The following HSPB1 variants were observed in gnomAD, a reference collection of about 807,000 sequenced individuals.
HSPB1 encodes heat shock protein beta-1.
Under a neutral mutation model 17.0 loss-of-function variants are expected in HSPB1, and 19 were observed. The observed-to-expected ratio is 1.12, with a 90% confidence interval of 0.78 to 1.64. The LOEUF (loss-of-function observed/expected upper bound fraction) is 1.64. Ranked by LOEUF, HSPB1 falls within the 40% of genes most tolerant of loss-of-function variation. HSPB1 has a pLI of 0.00. For missense variants in HSPB1, 348 were observed against 289.2 expected, an observed-to-expected ratio of 1.20 and a Z score of -1.47; for synonymous variants, 165 against 129.8, an observed-to-expected ratio of 1.27 and a Z score of -1.84.
chr7:76,303,005 C>A lies in HSPB1; in HGVS notation c.293C>A (p.Ser98Tyr). Residue 98 changes from serine to tyrosine, a missense_variant, in exon 1 of 3, where the codon TCC becomes TAC. Transcript: ENST00000248553. The stretch of plus-strand genomic sequence containing the variant: ...CACACTGCGGACCGCTGGCGCGTGT[C>A]CCTGGATGTCAACCACTTCGCCCCG... ...IRHTADRWRV[S>Y]LDVNHFAPDE... The A allele has an allele frequency of 1.9e-6, 3 of 1,543,510 alleles. No homozygotes were observed. Among genetic ancestry groups the A allele is most frequent in the East Asian group, 2.4e-5 (1 of 41,822 alleles).
intron 1 of HSPB1, 121 bp from the exon 2 acceptor site, chr7:76,303,681 C>A: frequency 1.3e-6 from 1 of 745,758 alleles, no homozygotes; most frequent in South Asian, 1.6e-5. Flanking sequence ...CCAACCCCCT[C>A]TGTTAATCCC....
chr7:76,302,773 G>A lies in HSPB1; in HGVS notation c.61G>A (p.Asp21Asn). The A allele has an allele frequency of 1.2e-6, 2 of 1,607,852 alleles. No homozygotes were observed. Among genetic ancestry groups the A allele is most frequent in the Non-Finnish European group, 1.7e-6 (2 of 1,179,538 alleles). Reference protein sequence around the residue: ...LRGPSWDPFRDWYPHSRLFDQ... With the variant: ...LRGPSWDPFRNWYPHSRLFDQ... ...GGGCCCCAGCTGGGACCCCTTCCGC[G>A]ACTGGTACCCGCATAGCCGCCTCTT... Residue 21 changes from aspartate (D) to asparagine (N), a missense_variant, in exon 1 of 3, where the codon GAC becomes AAC. Physicochemically the swap from Asp to Asn is conservative, Grantham distance 23. Coordinates refer to ENST00000248553, the MANE Select transcript of HSPB1 (RefSeq NM_001540.5).
At chr7:76,303,437 T>C (rs550515595) in intron 1 of HSPB1, 3 of 426,530 alleles carry the variant, frequency 7.0e-6, no homozygotes, top group Non-Finnish European at 8.1e-6. Flanking sequence ...AGAGAGAAAA[T>C]GCGCTTTTCT....
In HSPB1 at chr7:76,303,987, G is replaced by GC. The variant is rs747325717; in HGVS notation, c.438dup (p.Gly147ArgfsTer14). 3.7e-5 allele frequency: 59 copies of GC among 1,613,508 alleles called. No individual in the cohort carries two copies. The highest frequency in any genetic ancestry group is 8.3e-5 in the Admixed American group (5 of 59,974). ...CCTTTCCTCTCTGCACGTCCAGGCT[G>GC]CCCCCCGGTGTGGACCCCACCCAAG... On this transcript the variant is annotated frameshift_variant, in exon 3 of 3. Coordinates refer to ENST00000248553, the MANE Select transcript of HSPB1 (RefSeq NM_001540.5). LOFTEE classifies it high-confidence loss of function.
intron 1 of HSPB1, chr7:76,303,492 G>C (rs867134746): frequency 7.1e-6 from 4 of 561,954 alleles, no homozygotes; most frequent in Non-Finnish European, 1.3e-5. Flanking sequence ...AGATAAGCGG[G>C]GAGTTCCCTG....
chr7:76,303,759 C>T, intron 1 of HSPB1, 43 bp from the exon 2 acceptor site: 2 of 1,579,092 alleles, frequency 1.3e-6, no homozygotes, highest in African/African-American at 1.3e-5. Context: ...GGCCGAAAGG[C>T]AGTCCCCTCC....
intron 2 of HSPB1, 52 bp downstream of exon 2, chr7:76,303,917 G>T: frequency 1.2e-6 from 2 of 1,610,172 alleles, no homozygotes; most frequent in Non-Finnish European, 8.5e-7. Context: ...GGTGGGGTCA[G>T]GGAAGAGGGC....
At chr7:76,303,731 G>C (rs145206720) in intron 1 of HSPB1, 71 bp from the exon 2 acceptor site, 321 of 1,370,080 alleles carry the variant, frequency 2.3e-4, no homozygotes, top group Non-Finnish European at 3.1e-4. Context: ...GCAGGAGGTG[G>C]GGCCTCTGGC....
chr7:76,303,371 C>T (rs903697227), intron 1 of HSPB1: 3 of 503,248 alleles, frequency 6.0e-6, no homozygotes, highest in Non-Finnish European at 1.0e-5. Flanking sequence ...CCCGCCCCGA[C>T]CCCGCGCCAT....
intron 1 of HSPB1, 132 bp from the exon 2 acceptor site, chr7:76,303,670 C>T (rs1803053000): frequency 1.4e-6 from 1 of 694,506 alleles, no homozygotes. Flanking sequence ...CGCCCCCATC[C>T]CCAACCCCCT....
intron 2 of HSPB1, 42 bp from the exon 3 acceptor site, chr7:76,303,942 G>A (rs199928936): frequency 2.9e-5 from 47 of 1,611,586 alleles, no homozygotes; most frequent in African/African-American, 1.2e-4. Flanking sequence ...GGACCCACCC[G>A]GTGTGTAATG....
intron 1 of HSPB1, chr7:76,303,426 A>G (rs1010053361): frequency 2.1e-6 from 1 of 470,954 alleles, no homozygotes; most frequent in Non-Finnish European, 3.8e-6. Flanking sequence ...ATCATCGATG[A>G]AGAGAGAAAA....
chr7:76,303,492 G>A (rs867134746), intron 1 of HSPB1: 1 of 561,954 alleles, frequency 1.8e-6, no homozygotes, highest in Non-Finnish European at 3.2e-6. Context: ...AGATAAGCGG[G>A]GAGTTCCCTG....
chr7:76,304,033 G>A lies in HSPB1; in HGVS notation c.478G>A (p.Glu160Lys), dbSNP rs1449874513. The A allele has an allele frequency of 1.2e-6, 2 of 1,613,880 alleles. No individual in the cohort carries two copies. The highest frequency in any genetic ancestry group is 1.7e-6 in the Non-Finnish European group (2 of 1,179,988). The change falls in exon 3 of 3, where the codon GAG (glutamate) becomes AAG (lysine). Residue 160 changes from glutamate to lysine, a missense_variant. Glu to Lys is a moderately conservative substitution (Grantham distance 56). Coordinates refer to ENST00000248553, the MANE Select transcript of HSPB1 (RefSeq NM_001540.5). ...CCAAGTTTCCTCCTCCCTGTCCCCT[G>A]AGGGCACACTGACCGTGGAGGCCCC... Reference protein sequence around the residue: ...PTQVSSSLSPEGTLTVEAPMP... With the variant: ...PTQVSSSLSPKGTLTVEAPMP...
intron 1 of HSPB1, chr7:76,303,577 A>G: frequency 1.7e-6 from 1 of 602,650 alleles, no homozygotes; most frequent in Non-Finnish European, 3.0e-6. Context: ...CTCACTCCCC[A>G]GCTCCGCGCC....
chr7:76,304,063 C>G lies in HSPB1; in HGVS notation c.508C>G (p.Pro170Ala), dbSNP rs544435502. ...EGTLTVEAPMPKLATQSNEIT... is the reference protein window; with the variant it reads ...EGTLTVEAPMAKLATQSNEIT... ...CACACTGACCGTGGAGGCCCCCATG[C>G]CCAAGCTAGCCACGCAGTCCAACGA... is the stretch of plus-strand genomic sequence containing the variant. Residue 170 changes from proline (P) to alanine (A), a missense_variant, in exon 3 of 3, where the codon CCC becomes GCC. By Grantham distance (27) the Pro-to-Ala change is conservative (BLOSUM62 -1). Transcript: ENST00000248553. 1 of 1,613,808 alleles carries G rather than the reference C, an allele frequency of 6.2e-7. No individual in the cohort carries two copies. Among genetic ancestry groups the G allele is most frequent in the African/African-American group, 1.3e-5 (1 of 75,052 alleles).
Position 76,304,022 on chromosome 7 carries a change from C to T in HSPB1, c.467C>T (p.Ser156Phe), listed in dbSNP as rs374995963. The change falls in exon 3 of 3, where the codon TCC (serine) becomes TTC (phenylalanine). Residue 156 changes from serine to phenylalanine, a missense_variant. Ser to Phe is a radical substitution (Grantham distance 155). Transcript: ENST00000248553. The stretch of plus-strand genomic sequence containing the variant: ...GTGGACCCCACCCAAGTTTCCTCCT[C>T]CCTGTCCCCTGAGGGCACACTGACC... ...PGVDPTQVSS[S>F]LSPEGTLTVE... is the part of the protein sequence containing the mutation. 2 of 1,613,924 alleles carry T rather than the reference C, an allele frequency of 1.2e-6. No individual in the cohort carries two copies.
intron 1 of HSPB1, 161 bp downstream of exon 1, chr7:76,303,237 G>A (rs762326792): frequency 7.9e-6 from 7 of 884,580 alleles, no homozygotes; most frequent in Non-Finnish European, 1.0e-5. Flanking sequence ...GGAATTGGGA[G>A]TGCGGGTCGC....
intron 2 of HSPB1, 31 bp downstream of exon 2, chr7:76,303,896 G>C: frequency 6.3e-7 from 1 of 1,593,478 alleles, no homozygotes; most frequent in Non-Finnish European, 8.6e-7. Flanking sequence ...GGGGTGGGTG[G>C]GTGGCGTGGG....
Sources: allele counts gnomAD v4.1 joint callset, GRCh38; gene constraint gnomAD v4.1.1; transcripts MANE v1.5; gene names NCBI Gene and HGNC (gene_info 2026-07-23, HGNC 2026-07-21).